KCNQ3: variants seen among roughly 807,000 people sequenced by gnomAD.
The protein encoded by KCNQ3 is potassium voltage-gated channel subfamily KQT member 3.
KCNQ3 carries 30 observed loss-of-function variants against 92.5 expected under a neutral mutation model. The observed-to-expected ratio is 0.32, with a 90% CI of 0.24 to 0.44. The LOEUF is 0.44. KCNQ3 is among the 20% of genes least tolerant of loss of function. The pLI, the probability that KCNQ3 is intolerant of heterozygous loss-of-function variation, is 1.00. For missense variants in KCNQ3, 913 were observed against 1,140.3 expected (o/e 0.80, Z 2.87); for synonymous variants, 450 against 468.8 (o/e 0.96, Z 0.52).
intron 1 of KCNQ3, among the ~76,000 whole-genome samples, chr8:132,415,874 T>C (rs1820787555): frequency 6.6e-6 from 1 of 152,104 alleles, no homozygotes; most frequent in South Asian, 2.1e-4. Flanking sequence ...CTAAAAACAC[T>C]CACCATGGCA....
chr8:132,144,944 C>G (rs1864770), intron 9 of KCNQ3, among the ~76,000 whole-genome samples: 96,799 of 152,008 alleles, frequency 0.64, 31,501 homozygotes, highest in African/African-American at 0.76. Context: ...GGAAATATTT[C>G]ACTTAATAGG....
chr8:132,143,665 C>T (rs889396369), intron 9 of KCNQ3, among the ~76,000 whole-genome samples: 12 of 152,158 alleles, frequency 7.9e-5, no homozygotes, highest in African/African-American at 1.9e-4. Flanking sequence ...TAATGCATGT[C>T]GAGTGCTCAG....
intron 1 of KCNQ3, among the ~76,000 whole-genome samples, chr8:132,299,141 A>G (rs1817138270): frequency 7.0e-6 from 1 of 142,588 alleles, no homozygotes; most frequent in African/African-American, 2.7e-5. Flanking sequence ...AAAATTTTTA[A>G]TTTTTGTGAG....
At chr8:132,440,913 C>T (rs1821520418) in intron 1 of KCNQ3, among the ~76,000 whole-genome samples, 1 of 152,212 alleles carries the variant, frequency 6.6e-6, no homozygotes. Flanking sequence ...AGGGGTATGG[C>T]ATTGCCATCA....
At chr8:132,371,324 C>G (rs1017545623) in intron 1 of KCNQ3, among the ~76,000 whole-genome samples, 22 of 152,170 alleles carry the variant, frequency 1.4e-4, no homozygotes, top group Admixed American at 5.2e-4. Flanking sequence ...AGTCTTTAGC[C>G]ACCATGTGGC....
intron 1 of KCNQ3, among the ~76,000 whole-genome samples, chr8:132,395,179 T>C (rs1298309044): frequency 1.3e-5 from 2 of 152,238 alleles, no homozygotes; most frequent in East Asian, 1.9e-4. Context: ...AAGTACATAG[T>C]GATGCTTCGA....
intron 14 of KCNQ3, among the ~76,000 whole-genome samples, chr8:132,130,274 G>A (rs922920476): frequency 1.3e-5 from 2 of 151,988 alleles, no homozygotes; most frequent in Non-Finnish European, 2.9e-5. Context: ...TAGAGACGGG[G>A]TTTCACAATC....
At chr8:132,201,528 C>A (rs890957091) in intron 1 of KCNQ3, among the ~76,000 whole-genome samples, 4 of 152,028 alleles carry the variant, frequency 2.6e-5, no homozygotes, top group African/African-American at 9.7e-5. Context: ...ATACGTACTC[C>A]CATTCCGAAA....
At chr8:132,150,468 A>G (rs532270982) in intron 9 of KCNQ3, among the ~76,000 whole-genome samples, 3 of 152,188 alleles carry the variant, frequency 2.0e-5, no homozygotes, top group African/African-American at 7.2e-5. Context: ...AGCCAGAAAC[A>G]TTGGCTGCTT....
intron 1 of KCNQ3, among the ~76,000 whole-genome samples, chr8:132,359,732 T>A (rs1819114655): frequency 6.6e-6 from 1 of 152,116 alleles, no homozygotes; most frequent in Non-Finnish European, 1.5e-5. Context: ...TTTGATGGAG[T>A]TTACAAAGCA....
Position 132,387,968 on chromosome 8 carries a change from A to G in KCNQ3, c.386+92179T>C, listed in dbSNP as rs189737803. ...GAAGAAGAAGGAGAAGAAGAAGAAG[A>G]AGGAGGAGAAGAGGAAGAGGAAGAG... is the stretch of plus-strand genomic sequence containing the variant. On this transcript the variant is annotated intron_variant, in intron 1 of 14. Coordinates refer to ENST00000388996, the MANE Select transcript of KCNQ3 (RefSeq NM_004519.4). Among the ~76,000 whole-genome samples the G allele has an allele frequency of 4.4e-4, 66 of 151,218 alleles. 2 individuals carry two copies. In the East Asian group the frequency reaches 5.0e-3, roughly 12 times the overall value.
intron 1 of KCNQ3, among the ~76,000 whole-genome samples, chr8:132,465,034 A>T (rs1322320891): frequency 6.6e-6 from 1 of 152,212 alleles, no homozygotes; most frequent in African/African-American, 2.4e-5. Context: ...TCATGGCACA[A>T]AAAGAGGAAT....
In KCNQ3 at chr8:132,387,498, T is replaced by A. The variant is rs192035385; in HGVS notation, c.386+92649A>T. Among the ~76,000 whole-genome samples the A allele has an allele frequency of 3.5e-3, 539 of 152,304 alleles. 2 individuals carry two copies. The highest frequency in any genetic ancestry group is 0.012 in the African/African-American group (518 of 41,578). On this transcript the variant is annotated intron_variant, in intron 1 of 14. Coordinates refer to ENST00000388996, the MANE Select transcript of KCNQ3 (RefSeq NM_004519.4). ...CACTAAGACAATAAAGGAAAGGCTTTAAGAAGTAGAAACTCTAAGACTCAA... is the reference window on the plus strand; with the variant it reads ...CACTAAGACAATAAAGGAAAGGCTTAAAGAAGTAGAAACTCTAAGACTCAA...
intron 1 of KCNQ3, among the ~76,000 whole-genome samples, chr8:132,213,924 G>T (rs1029833338): frequency 1.3e-5 from 2 of 152,152 alleles, no homozygotes; most frequent in Admixed American, 1.3e-4. Flanking sequence ...CTCTGTAGAG[G>T]TGAGGACACT....
chr8:132,296,146 C>T (rs955756175), intron 1 of KCNQ3, among the ~76,000 whole-genome samples: 3 of 152,154 alleles, frequency 2.0e-5, no homozygotes, highest in African/African-American at 7.2e-5. Context: ...AATTTGAATG[C>T]CACATGTGGC....
chr8:132,475,352 G>A (rs1164978153), intron 1 of KCNQ3, among the ~76,000 whole-genome samples: 1 of 152,210 alleles, frequency 6.6e-6, no homozygotes, highest in Non-Finnish European at 1.5e-5. Flanking sequence ...AAGAAGATCA[G>A]AAATTGTGGG....
At chr8:132,199,198 A>C (rs1827387082) in intron 1 of KCNQ3, among the ~76,000 whole-genome samples, 1 of 152,226 alleles carries the variant, frequency 6.6e-6, no homozygotes, top group Non-Finnish European at 1.5e-5. Flanking sequence ...AATAATAAAA[A>C]AAAACCAACT....
At chr8:132,357,332 G>A (rs1049801042) in intron 1 of KCNQ3, among the ~76,000 whole-genome samples, 8 of 152,224 alleles carry the variant, frequency 5.3e-5, no homozygotes, top group South Asian at 4.1e-4. Context: ...AGAGAAGTGC[G>A]TCAATGTGAG....
intron 1 of KCNQ3, among the ~76,000 whole-genome samples, chr8:132,281,970 A>C (rs1279099039): frequency 2.6e-5 from 4 of 152,030 alleles, no homozygotes; most frequent in Admixed American, 2.6e-4. Context: ...CCTCTGTATC[A>C]ATCACCTTCC....
Sources: gnomAD v4.1 joint callset for allele counts (sites outside exome capture counted in the v4.1 genomes callset) on GRCh38, gnomAD v4.1.1 for gene constraint, MANE v1.5 for transcripts, NCBI Gene and HGNC (gene_info 2026-07-23, HGNC 2026-07-21) for gene names.